The following FHIT variants were observed in gnomAD, a reference collection of about 807,000 sequenced individuals.
FHIT encodes the protein fragile histidine triad diadenosine triphosphatase, also known as bis(5'-adenosyl)-triphosphatase.
A neutral mutation model predicts 17.9 loss-of-function variants in FHIT; 19 were observed. The observed-to-expected ratio is 1.06, with a 90% CI of 0.74 to 1.56. The LOEUF (loss-of-function observed/expected upper bound fraction) is 1.56, where lower values mean the gene tolerates loss of function less well. FHIT is among the 40% of genes most tolerant of loss of function. FHIT has a pLI of 0.00. For synonymous variants in FHIT, 81 were observed against 69.7 expected, an observed-to-expected ratio of 1.16 and a Z score of -0.81; for missense variants, 248 against 189.2, an observed-to-expected ratio of 1.31 and a Z score of -1.82.
chr3:60,394,938 C>A (rs148104923), intron 5 of FHIT, among the ~76,000 whole-genome samples: 1 of 152,230 alleles, frequency 6.6e-6, no homozygotes, highest in East Asian at 1.9e-4. Flanking sequence ...GACTTGGTAA[C>A]TGCAGAAATG....
At chr3:60,370,211 G>A (rs538449684) in intron 5 of FHIT, among the ~76,000 whole-genome samples, 1 of 44 alleles carries the variant, frequency 0.023, no homozygotes, top group African/African-American at 0.12. Flanking sequence ...TTTTGGCCAA[G>A]ATTCATAAAT....
Position 60,317,619 on chromosome 3 carries a change from G to A in FHIT, c.103+219241C>T, listed in dbSNP as rs940797935. On this transcript the variant is annotated intron_variant, in intron 5 of 9. Transcript: ENST00000492590. ...AATCATATAATATGTAATTATATAT[G>A]TGTGTGTGTGTGTGTGTATATATAT... 1.7e-4 allele frequency among the ~76,000 whole-genome samples: 19 copies of A among 109,400 alleles called. No individual in the cohort carries two copies. The Admixed American group carries it at 1.8e-3, about 10-fold the overall frequency. 71.8% of individuals were successfully genotyped at this position (109,400 alleles called of 152,430 possible). A position where few individuals can be genotyped will look rare whatever the true frequency, so the allele number is the denominator to read the frequency against.
chr3:61,085,650 C>T (rs1009435487), intron 2 of FHIT, among the ~76,000 whole-genome samples: 1 of 151,750 alleles, frequency 6.6e-6, no homozygotes, highest in African/African-American at 2.4e-5. Context: ...GTGTTTTTTT[C>T]TTTTAGGAAA....
intron 4 of FHIT, among the ~76,000 whole-genome samples, chr3:60,675,920 T>G (rs2040612044): frequency 1.3e-5 from 2 of 152,242 alleles, no homozygotes; most frequent in Non-Finnish European, 2.9e-5. Context: ...AGTCTGGTTC[T>G]TTTTTAAGTT....
At chr3:60,124,643 C>G (rs895450322) in intron 5 of FHIT, among the ~76,000 whole-genome samples, 4 of 152,168 alleles carry the variant, frequency 2.6e-5, no homozygotes, top group Admixed American at 2.0e-4. Context: ...ATTTAGCCAT[C>G]AGAAGCATGT....
intron 3 of FHIT, among the ~76,000 whole-genome samples, chr3:60,827,108 A>G (rs1702152495): frequency 6.6e-6 from 1 of 152,222 alleles, no homozygotes; most frequent in South Asian, 2.1e-4. Flanking sequence ...CATTCTTGAA[A>G]GGGGCTAGAA....
chr3:61,196,983 G>C (rs1239306696), intron 2 of FHIT, among the ~76,000 whole-genome samples: 1 of 152,170 alleles, frequency 6.6e-6, no homozygotes, highest in Non-Finnish European at 1.5e-5. Flanking sequence ...TAGGCCCATG[G>C]TGCAGAGCCA....
chr3:60,259,900 GAT>G (rs1309088045), intron 5 of FHIT, among the ~76,000 whole-genome samples: 1 of 151,978 alleles, frequency 6.6e-6, no homozygotes, highest in East Asian at 1.9e-4. Flanking sequence ...CTGGCAATGG[GAT>G]GACAAGGAAA....
At chr3:59,922,537 G>C in intron 7 of FHIT, 123 bp from the exon 8 acceptor site, 1 of 776,972 alleles carries the variant, frequency 1.3e-6, no homozygotes, top group Non-Finnish European at 2.1e-6. Context: ...TTTTTCAGAG[G>C]AAGTTGATAT....
At chr3:60,565,585 T>C (rs1457951364) in intron 4 of FHIT, among the ~76,000 whole-genome samples, 2 of 151,982 alleles carry the variant, frequency 1.3e-5, no homozygotes, top group African/African-American at 2.4e-5. Context: ...CTCAGAAAAA[T>C]ATTTCAAGCA....
At chr3:60,649,661 G>A (rs73097263) in intron 4 of FHIT, among the ~76,000 whole-genome samples, 2,631 of 152,240 alleles carry the variant, frequency 0.017, 31 homozygotes, top group Middle Eastern at 0.024. Flanking sequence ...GAATAAGAAC[G>A]TGTGGGAGAA....
intron 5 of FHIT, among the ~76,000 whole-genome samples, chr3:60,343,081 G>C (rs954691980): frequency 2.0e-5 from 3 of 152,094 alleles, no homozygotes; most frequent in Non-Finnish European, 4.4e-5. Flanking sequence ...GCATATCCTG[G>C]TTTTTAATAA....
intron 5 of FHIT, among the ~76,000 whole-genome samples, chr3:60,206,145 AAAT>A (rs1197328291): frequency 0.033 from 4,451 of 135,826 alleles, 145 homozygotes; most frequent in African/African-American, 0.061. Flanking sequence ...AAAAAAAAAA[AAAT>A]AAATAATAAT....
At chr3:60,507,168 C>T (rs2034765650) in intron 5 of FHIT, among the ~76,000 whole-genome samples, 1 of 152,040 alleles carries the variant, frequency 6.6e-6, no homozygotes, top group Admixed American at 6.6e-5. Flanking sequence ...AAGAGCCCTT[C>T]TAGAAGAAGG....
chr3:60,624,895 GTTT>G (rs782663413), intron 4 of FHIT, among the ~76,000 whole-genome samples: 4 of 148,728 alleles, frequency 2.7e-5, no homozygotes, highest in Non-Finnish European at 3.0e-5. Context: ...CTTGTTTCTA[GTTT>G]TTTTTTTTGT....
chr3:60,875,923 ATGTGTGTGTGTGTGTG>A (rs60177380), intron 3 of FHIT, among the ~76,000 whole-genome samples: 3 of 136,802 alleles, frequency 2.2e-5, no homozygotes, highest in Non-Finnish European at 3.1e-5. Flanking sequence ...AAACTTATTC[ATGTGTGTGTGTGTGTG>A]TGTGTGTGTG....
At chr3:60,048,335 C>G (rs116638414) in intron 5 of FHIT, among the ~76,000 whole-genome samples, 5,214 of 152,212 alleles carry the variant, frequency 0.034, 124 homozygotes, top group Non-Finnish European at 0.055. Flanking sequence ...TGCCACCACG[C>G]TTCCCTAATT....
At chr3:60,665,343 T>G (rs1240308337) in intron 4 of FHIT, among the ~76,000 whole-genome samples, 2 of 152,052 alleles carry the variant, frequency 1.3e-5, no homozygotes, top group Admixed American at 6.5e-5. Flanking sequence ...ATTTTCTGTA[T>G]AGTAGTTCTA....
intron 5 of FHIT, among the ~76,000 whole-genome samples, chr3:60,298,062 T>A (rs10154846): frequency 6.6e-6 from 1 of 151,810 alleles, no homozygotes; most frequent in Admixed American, 6.6e-5. Context: ...ACAAGGTATG[T>A]GGGAAGGAGT....
Sources: gnomAD v4.1 joint callset for allele counts (sites outside exome capture counted in the v4.1 genomes callset) on GRCh38, gnomAD v4.1.1 for gene constraint, MANE v1.5 for transcripts, NCBI Gene and HGNC (gene_info 2026-07-23, HGNC 2026-07-21) for gene names.